The following CTPS2 variants were observed in gnomAD, a reference collection of about 807,000 sequenced individuals.
CTPS2 encodes the protein CTP synthase 2, also known as CTP synthase II.
In CTPS2, 19 loss-of-function variants were observed where a neutral mutation model predicts 46.8. The observed-to-expected ratio is 0.41, with a 90% CI of 0.28 to 0.60. The LOEUF (loss-of-function observed/expected upper bound fraction) is 0.60, where lower values mean the gene tolerates loss of function less well. Ranked by LOEUF, CTPS2 falls within the 20% of genes least tolerant of loss-of-function variation. CTPS2 has a pLI of 0.35. For missense variants in CTPS2, 286 were observed against 447.6 expected (o/e 0.64, Z 3.26); for synonymous variants, 151 against 165.2 (o/e 0.91, Z 0.66).
intron 14 of CTPS2, among the ~76,000 whole-genome samples, chrX:16,622,676 G>A (rs769568457): frequency 9.0e-5 from 10 of 111,434 alleles, no homozygotes; most frequent in African/African-American, 3.3e-4. Flanking sequence ...GAGTCAAGGG[G>A]ACTAGCAGGA....
chrX:16,660,320 G>C (rs1402979232), intron 13 of CTPS2, among the ~76,000 whole-genome samples: 2 of 110,483 alleles, frequency 1.8e-5, no homozygotes, highest in Non-Finnish European at 3.8e-5. Context: ...AGGCTCAGGT[G>C]ATCCTCCCAT....
intron 14 of CTPS2, among the ~76,000 whole-genome samples, chrX:16,633,947 G>A (rs1229163549): frequency 1.8e-5 from 2 of 111,906 alleles, no homozygotes; most frequent in East Asian, 2.8e-4. Context: ...TCAAAAGAAC[G>A]AAAACACTGT....
intron 7 of CTPS2, among the ~76,000 whole-genome samples, chrX:16,691,088 G>A (rs1410061802): frequency 3.6e-5 from 4 of 112,260 alleles, no homozygotes; most frequent in Non-Finnish European, 7.5e-5. Context: ...AGGCTGAGGC[G>A]GGCGGATCAT....
intron 13 of CTPS2, among the ~76,000 whole-genome samples, chrX:16,659,358 A>G (rs1259693579): frequency 9.0e-6 from 1 of 111,546 alleles, no homozygotes; most frequent in Non-Finnish European, 1.9e-5. Context: ...TAGCATTTCA[A>G]CTGGGCTCTG....
intron 10 of CTPS2, among the ~76,000 whole-genome samples, chrX:16,674,626 C>G (rs1016099706): frequency 5.7e-5 from 6 of 105,472 alleles, no homozygotes; most frequent in Non-Finnish European, 1.9e-5. Flanking sequence ...ATCACGAGGT[C>G]AGGAGATCGA....
At chrX:16,590,204 ATTTTATTTTATTTTATG>A (rs940641435) in intron 18 of CTPS2, among the ~76,000 whole-genome samples, 8 of 105,058 alleles carry the variant, frequency 7.6e-5, no homozygotes, top group Non-Finnish European at 1.6e-4. Flanking sequence ...ATACTATTTT[ATTTTATTTTATTTTATG>A]TTTTATTTTA....
At position 16,694,532 on chromosome X, in the gene CTPS2, G is replaced by A. The variant is rs767411718; in HGVS notation, c.439-1045C>T. ...TTGCCTCTATTTCATTTCCGTCTTT[G>A]TTTCCTGGCTCTCTACCCCACTAGA... On this transcript the variant is annotated intron_variant, in intron 4 of 18. Coordinates refer to ENST00000359276, the MANE Select transcript of CTPS2 (RefSeq NM_175859.3). Among the ~76,000 whole-genome samples, 3 of 112,454 alleles carry A rather than the reference G, an allele frequency of 2.7e-5. No individual in the cohort carries two copies. The South Asian group carries it at 1.1e-3, about 41-fold the overall frequency.
intron 9 of CTPS2, among the ~76,000 whole-genome samples, chrX:16,682,256 G>A (rs903537729): frequency 8.9e-6 from 1 of 112,006 alleles, no homozygotes; most frequent in East Asian, 2.8e-4. Flanking sequence ...AGGCCAAGAC[G>A]GGCAGATCAC....
chrX:16,705,535 G>C (rs924310438), intron 1 of CTPS2, among the ~76,000 whole-genome samples: 1 of 112,262 alleles, frequency 8.9e-6, no homozygotes, highest in South Asian at 3.7e-4. Flanking sequence ...CTATTTTCAT[G>C]TTTATTCAAT....
intron 13 of CTPS2, among the ~76,000 whole-genome samples, chrX:16,639,986 G>A (rs1476661084): frequency 1.8e-5 from 2 of 110,896 alleles, no homozygotes; most frequent in African/African-American, 3.3e-5. Flanking sequence ...CAGAATTCCC[G>A]CATCCATCCA....
intron 17 of CTPS2, among the ~76,000 whole-genome samples, chrX:16,593,164 T>C (rs1017836146): frequency 1.3e-4 from 14 of 111,768 alleles, no homozygotes; most frequent in African/African-American, 4.6e-4. Context: ...GTGCGGTGGC[T>C]CACGCCTGTA....
intron 14 of CTPS2, among the ~76,000 whole-genome samples, chrX:16,637,065 A>C (rs1931792742): frequency 8.9e-6 from 1 of 112,243 alleles, no homozygotes; most frequent in Admixed American, 9.5e-5. Flanking sequence ...AAAATCATCA[A>C]ATCATCAATA....
At chrX:16,673,077 G>A (rs1440387708) in intron 10 of CTPS2, among the ~76,000 whole-genome samples, 2 of 105,977 alleles carry the variant, frequency 1.9e-5, no homozygotes, top group Admixed American at 1.0e-4. Flanking sequence ...TAGTAGAGAC[G>A]GGGTTTCACC....
In CTPS2 at chrX:16,639,138, G is replaced by A. The variant is rs777421756; in HGVS notation, c.1393+9C>T. 28 of 1,160,221 alleles carry A rather than the reference G, an allele frequency of 2.4e-5. No homozygotes were observed. The highest frequency in any genetic ancestry group is 2.4e-6 in the Non-Finnish European group (2 of 850,123). On this transcript the variant is annotated intron_variant, in intron 14 of 18. Coordinates refer to ENST00000359276, the MANE Select transcript of CTPS2 (RefSeq NM_175859.3). ...ACATCTTGTAAAATAAACAATATGG[G>A]AAACTTACTTAATATTGAATTTTCA... is the stretch of plus-strand genomic sequence containing the variant.
At chrX:16,674,794 C>A (rs1479562179) in intron 10 of CTPS2, among the ~76,000 whole-genome samples, 3 of 105,268 alleles carry the variant, frequency 2.8e-5, no homozygotes, top group Non-Finnish European at 5.8e-5. Flanking sequence ...GCAGAGATTG[C>A]GCCACTGCAC....
chrX:16,684,644 A>G (rs1289904084), intron 8 of CTPS2, among the ~76,000 whole-genome samples: 1 of 111,960 alleles, frequency 8.9e-6, no homozygotes, highest in African/African-American at 3.2e-5. Context: ...AGGGAAGGTA[A>G]CTTTCTAGAA....
chrX:16,592,413 C>T (rs186605387), intron 17 of CTPS2, among the ~76,000 whole-genome samples: 8 of 112,238 alleles, frequency 7.1e-5, no homozygotes, highest in Non-Finnish European at 1.5e-4. Flanking sequence ...TCCCTGATTA[C>T]ATTAGCGAAA....
At chrX:16,662,065 A>G (rs1312943744) in intron 13 of CTPS2, among the ~76,000 whole-genome samples, 2 of 109,218 alleles carry the variant, frequency 1.8e-5, no homozygotes, top group East Asian at 5.8e-4. Flanking sequence ...GCTGTGAACT[A>G]CACTACAGAT....
chrX:16,618,049 C>G (rs1930625362), intron 15 of CTPS2, among the ~76,000 whole-genome samples: 1 of 111,762 alleles, frequency 8.9e-6, no homozygotes, highest in Admixed American at 9.5e-5. Flanking sequence ...ATTACCACAA[C>G]CAACTGAAAA....
Sources: allele counts gnomAD v4.1 joint callset (sites outside exome capture counted in the v4.1 genomes callset), GRCh38; gene constraint gnomAD v4.1.1; transcripts MANE v1.5; gene names NCBI Gene and HGNC (gene_info 2026-07-23, HGNC 2026-07-21).